The following FCRL5 variants were observed in gnomAD, a reference collection of about 807,000 sequenced individuals.
FCRL5 encodes the protein Fc receptor like 5, also known as Fc receptor-like protein 5.
In FCRL5, 79 loss-of-function variants were observed where a neutral mutation model predicts 92.1. The ratio of observed to expected loss-of-function variants is 0.86; its 90% confidence interval spans 0.72 to 1.03. The LOEUF is 1.03. Among genes scored for constraint, FCRL5 ranks in the 50% least tolerant of loss-of-function variants. The pLI is 0.00. For missense variants in FCRL5, 1,160 were observed against 1,181.1 expected (o/e 0.98, Z 0.26); for synonymous variants, 466 against 469.3 (o/e 0.99, Z 0.09).
At chr1:157,548,294 A>G (rs1339049802) in intron 2 of FCRL5, among the ~76,000 whole-genome samples, 1 of 152,272 alleles carries the variant, frequency 6.6e-6, no homozygotes, top group Non-Finnish European at 1.5e-5. Flanking sequence ...CCTCAGCAAG[A>G]AAACAGGAGA....
At chr1:157,529,197 G>T (rs1248035094) in intron 8 of FCRL5, among the ~76,000 whole-genome samples, 3 of 152,048 alleles carry the variant, frequency 2.0e-5, no homozygotes, top group African/African-American at 7.2e-5. Context: ...CAGCAAACAT[G>T]TAAACGTGCT....
intron 12 of FCRL5, 62 bp downstream of exon 12, chr1:157,520,369 C>A: frequency 8.3e-7 from 1 of 1,202,544 alleles, no homozygotes; most frequent in South Asian, 1.3e-5. Flanking sequence ...CAGCATGAAG[C>A]CCAAGGGAGC....
intron 9 of FCRL5, among the ~76,000 whole-genome samples, 159 bp downstream of exon 9, chr1:157,527,458 G>A (rs779793020): frequency 2.6e-5 from 4 of 152,216 alleles, no homozygotes; most frequent in Non-Finnish European, 4.4e-5. Context: ...TCCTGAACGT[G>A]TAGGATACAA....
At chr1:157,524,208 C>G in intron 10 of FCRL5, 71 bp downstream of exon 10, 1 of 1,557,326 alleles carries the variant, frequency 6.4e-7, no homozygotes. Flanking sequence ...TCTGTGGCTC[C>G]ATTTTCAGCT....
At chr1:157,525,327 G>A (rs1650379680) in intron 9 of FCRL5, among the ~76,000 whole-genome samples, 1 of 152,190 alleles carries the variant, frequency 6.6e-6, no homozygotes, top group African/African-American at 2.4e-5. Context: ...GCACCAGGCA[G>A]GCAAACAGTA....
Position 157,534,749 on chromosome 1 carries a change from T to C in FCRL5, c.1546A>G (p.Ser516Gly). 1 of 1,614,098 alleles carries C rather than the reference T, an allele frequency of 6.2e-7. No homozygotes were observed. Among genetic ancestry groups the C allele is most frequent in the Non-Finnish European group, 8.5e-7 (1 of 1,180,008 alleles). Residue 516 changes from serine to glycine, a missense_variant, in exon 8 of 17, where the codon AGC becomes GGC. Physicochemically the swap from Ser to Gly is moderately conservative, Grantham distance 56. Coordinates refer to ENST00000361835, the MANE Select transcript of FCRL5 (RefSeq NM_031281.3). Reference sequence around the variant, plus strand: ...CTTCCCACAGAGGGTGTTGAGCTGCTCCACAGGGGCATGTCCTCATGATAA... The same window carrying C: ...CTTCCCACAGAGGGTGTTGAGCTGCCCCACAGGGGCATGTCCTCATGATAA... ...QFYHEDMPLW[S>G]SSTPSVGRVS...
intron 7 of FCRL5, among the ~76,000 whole-genome samples, chr1:157,538,613 G>A (rs1032380714): frequency 2.0e-5 from 3 of 152,210 alleles, no homozygotes; most frequent in Admixed American, 6.5e-5. Flanking sequence ...GAGCAAGGGA[G>A]ACATGTTGGG....
At chr1:157,541,920 C>T (rs1651281890) in intron 6 of FCRL5, 1 of 152,334 alleles carries the variant, frequency 6.6e-6, no homozygotes, top group Admixed American at 6.5e-5. Context: ...ACTGTCTCCA[C>T]TTTCTTTGGG....
chr1:157,534,475 C>T (rs1375382422), intron 8 of FCRL5, 139 bp downstream of exon 8: 2 of 994,032 alleles, frequency 2.0e-6, no homozygotes, highest in Non-Finnish European at 3.1e-6. Context: ...AAAACCCCAG[C>T]TAGTTAGTTG....
chr1:157,540,063 GT>G (rs1188843452), intron 6 of FCRL5, among the ~76,000 whole-genome samples: 3 of 152,204 alleles, frequency 2.0e-5, no homozygotes, highest in African/African-American at 7.2e-5. Flanking sequence ...GTCTCAGATA[GT>G]TTTTGGTTCA....
In FCRL5 at chr1:157,515,974, C is replaced by T. The variant is rs558822443; in HGVS notation, c.2813-101G>A. ...GCCCTGAGCCTCCTGGAGGCCCGCT[C>T]TCCCTCTGTGCGGTGAGTAGCCATT... On this transcript the variant is annotated intron_variant, in intron 15 of 16. Coordinates refer to ENST00000361835, the MANE Select transcript of FCRL5 (RefSeq NM_031281.3). 5.9e-5 allele frequency: 77 copies of T among 1,311,324 alleles called. No homozygotes were observed. In the South Asian group the frequency reaches 8.3e-4, roughly 14 times the overall value. The allele number at this position is 1,311,324 out of a possible 1,614,324, so 81.2% of individuals were successfully genotyped here.
intron 5 of FCRL5, among the ~76,000 whole-genome samples, 192 bp downstream of exon 5, chr1:157,544,070 C>A (rs1377269195): frequency 6.6e-6 from 1 of 152,180 alleles, no homozygotes; most frequent in Non-Finnish European, 1.5e-5. Context: ...TTAGACCTTT[C>A]TTTTCTTGGA....
chr1:157,538,256 G>A (rs1651068157), intron 7 of FCRL5, among the ~76,000 whole-genome samples: 1 of 152,118 alleles, frequency 6.6e-6, no homozygotes, highest in Non-Finnish European at 1.5e-5. Context: ...GGGAGGGACT[G>A]GATTCTTGCT....
At chr1:157,542,605 C>T in intron 6 of FCRL5, 2 of 467,760 alleles carry the variant, frequency 4.3e-6, no homozygotes, top group Middle Eastern at 5.5e-4. Flanking sequence ...AAGCACTTGG[C>T]TTCTCAGAAA....
chr1:157,514,908 T>C lies in FCRL5; in HGVS notation c.*767A>G, dbSNP rs3900770. On this transcript the variant is annotated 3_prime_UTR_variant, in exon 17 of 17. Coordinates refer to ENST00000361835, the MANE Select transcript of FCRL5 (RefSeq NM_031281.3). ...TCATTCATTCAGTCAGTCAGTCAAA[T>C]AGTAATTGAGCACCTCCTGTGTTCC... The C allele has an allele frequency of 0.095, 14,504 of 152,360 alleles. 1,241 individuals carry two copies. Among genetic ancestry groups the C allele is most frequent in the African/African-American group, 0.22 (9,238 of 41,492 alleles). 9.4% of individuals were successfully genotyped at this position (152,360 alleles called of 1,614,324 possible).
At position 157,552,350 on chromosome 1, in the gene FCRL5, C is replaced by T; in HGVS notation, c.13G>A (p.Val5Met). 1.2e-6 allele frequency: 2 copies of T among 1,614,084 alleles called. No homozygotes were observed. The highest frequency in any genetic ancestry group is 1.7e-6 in the Non-Finnish European group (2 of 1,179,974). The change falls in exon 1 of 17, where the codon GTG (valine) becomes ATG (methionine). Residue 5 changes from valine (V) to methionine (M), a missense_variant. By Grantham distance (21) the Val-to-Met change is conservative. Coordinates refer to ENST00000361835, the MANE Select transcript of FCRL5 (RefSeq NM_031281.3). Reference sequence around the variant, plus strand: ...TACTCACCCAGGACCAGTAATATCACCCACAGCAGCATGAAGACCTGGACC... The same window carrying T: ...TACTCACCCAGGACCAGTAATATCATCCACAGCAGCATGAAGACCTGGACC... MLLW[V>M]ILLVLAPVSG...
chr1:157,543,205 G>A, intron 5 of FCRL5, 68 bp from the exon 6 acceptor site: 2 of 1,489,380 alleles, frequency 1.3e-6, no homozygotes, highest in East Asian at 2.3e-5. Flanking sequence ...GGCATGGCCA[G>A]TGCAAATGCC....
chr1:157,524,843 G>A (rs1003998511), intron 9 of FCRL5, among the ~76,000 whole-genome samples: 1 of 152,200 alleles, frequency 6.6e-6, no homozygotes, highest in Non-Finnish European at 1.5e-5. Flanking sequence ...TTGGAGAGAG[G>A]AGAAATCAGT....
At chr1:157,532,700 T>C (rs1650754244) in intron 8 of FCRL5, 1 of 152,226 alleles carries the variant, frequency 6.6e-6, no homozygotes, top group African/African-American at 2.4e-5. Flanking sequence ...CAAAAAATAC[T>C]GATTCTGTGG....
Sources: gnomAD v4.1 joint callset for allele counts (sites outside exome capture counted in the v4.1 genomes callset) on GRCh38, gnomAD v4.1.1 for gene constraint, MANE v1.5 for transcripts, NCBI Gene and HGNC (gene_info 2026-07-23, HGNC 2026-07-21) for gene names.